Variants in ERBB4 observed in about 807,000 individuals in gnomAD.
ERBB4 encodes receptor tyrosine-protein kinase erbB-4.
A neutral mutation model predicts 158.0 loss-of-function variants in ERBB4; 42 were observed. The ratio of observed to expected loss-of-function variants is 0.27; its 90% CI spans 0.21 to 0.34. The LOEUF is 0.34. ERBB4 is among the 10% of genes least tolerant of loss of function. The probability of loss-of-function intolerance (pLI) is 1.00; values close to 1 mark genes in which losing one functional copy is unlikely to be tolerated. For missense variants in ERBB4, 1,333 were observed against 1,624.1 expected (o/e 0.82, Z 3.08); for synonymous variants, 583 against 558.7 (o/e 1.04, Z -0.61).
chr2:211,672,974 T>A (rs549805908), intron 14 of ERBB4, among the ~76,000 whole-genome samples, 190 bp downstream of exon 14: 1 of 152,354 alleles, frequency 6.6e-6, no homozygotes, highest in East Asian at 1.9e-4. Flanking sequence ...AGAATAAATA[T>A]GTATGACATC....
At chr2:211,745,921 G>T (rs570099496) in intron 5 of ERBB4, among the ~76,000 whole-genome samples, 1 of 152,220 alleles carries the variant, frequency 6.6e-6, no homozygotes, top group Admixed American at 6.5e-5. Context: ...CCAGGAAACA[G>T]TTGTCTCTAG....
At chr2:212,236,545 A>G (rs917566350) in intron 1 of ERBB4, among the ~76,000 whole-genome samples, 2 of 152,170 alleles carry the variant, frequency 1.3e-5, no homozygotes, top group African/African-American at 4.8e-5. Context: ...GGAATGGCAC[A>G]AGCTCCTCTT....
At chr2:211,926,524 A>C (rs16847207) in intron 3 of ERBB4, among the ~76,000 whole-genome samples, 2 of 152,032 alleles carry the variant, frequency 1.3e-5, no homozygotes, top group African/African-American at 4.8e-5. Context: ...GCTTAATTCA[A>C]TGTTTTTCCA....
rs2092354199 is a variant in ERBB4, at chr2:212,446,583, A to AC, written c.82+91865_82+91866insG. Among the ~76,000 whole-genome samples the AC allele has an allele frequency of 2.1e-4, 4 of 18,766 alleles. 1 individual carries two copies. The African/African-American group carries it at 2.9e-3, about 14-fold the overall frequency. The allele number at this position is 18,766 out of a possible 152,430, so 12.3% of individuals were successfully genotyped here. A position where few individuals can be genotyped will look rare whatever the true frequency, so the allele number is the denominator to read the frequency against. ...GTTAATACTTAATAAACTCCCATATATATATATGTATATATATATATATAT... is the reference window on the plus strand; with the variant it reads ...GTTAATACTTAATAAACTCCCATATACTATATATGTATATATATATATATAT... On this transcript the variant is annotated intron_variant, in intron 1 of 27. Coordinates refer to ENST00000342788, the MANE Select transcript of ERBB4 (RefSeq NM_005235.3).
intron 3 of ERBB4, among the ~76,000 whole-genome samples, chr2:211,877,234 C>T (rs2078528133): frequency 6.6e-6 from 1 of 152,156 alleles, no homozygotes; most frequent in South Asian, 2.1e-4. Flanking sequence ...CTCGAGTAGC[C>T]TTATTGGACT....
intron 2 of ERBB4, among the ~76,000 whole-genome samples, chr2:212,042,072 C>T (rs1434678581): frequency 6.6e-6 from 1 of 151,944 alleles, no homozygotes; most frequent in African/African-American, 2.4e-5. Flanking sequence ...TTTAGTGGTT[C>T]TCCCCCTACC....
chr2:211,497,926 C>T (rs1462190736), intron 20 of ERBB4, among the ~76,000 whole-genome samples: 4 of 152,074 alleles, frequency 2.6e-5, no homozygotes, highest in African/African-American at 9.7e-5. Flanking sequence ...AAAGCCTCTA[C>T]GTTCAAGTTG....
chr2:211,731,101 G>T (rs2074413909), intron 5 of ERBB4, among the ~76,000 whole-genome samples: 1 of 152,070 alleles, frequency 6.6e-6, no homozygotes, highest in African/African-American at 2.4e-5. Context: ...TGGAAATATT[G>T]CCTCACTGGT....
intron 3 of ERBB4, among the ~76,000 whole-genome samples, chr2:211,809,549 T>C (rs1011428849): frequency 2.0e-5 from 3 of 152,178 alleles, no homozygotes; most frequent in Non-Finnish European, 4.4e-5. Context: ...CCTTTATCGT[T>C]TTTTATTGCA....
At chr2:212,512,986 T>A (rs180717353) in intron 1 of ERBB4, among the ~76,000 whole-genome samples, 1 of 152,304 alleles carries the variant, frequency 6.6e-6, no homozygotes, top group African/African-American at 2.4e-5. Flanking sequence ...GTTTCCCCTA[T>A]CAGAAACATC....
intron 1 of ERBB4, among the ~76,000 whole-genome samples, chr2:212,530,506 T>C (rs1692695450): frequency 1.3e-5 from 2 of 152,118 alleles, no homozygotes; most frequent in Admixed American, 1.3e-4. Context: ...CTGCCACCCA[T>C]GATCTCTATT....
At chr2:211,855,273 A>C (rs13035407) in intron 3 of ERBB4, among the ~76,000 whole-genome samples, 16,886 of 152,168 alleles carry the variant, frequency 0.11, 1,240 homozygotes, top group Non-Finnish European at 0.15. Context: ...ACATTTGAAA[A>C]GTCTCCCACT....
chr2:211,580,754 C>G (rs1180025915), intron 19 of ERBB4, among the ~76,000 whole-genome samples: 1 of 138,162 alleles, frequency 7.2e-6, no homozygotes. Flanking sequence ...CAACCCAAAT[C>G]CCCATCAATC....
At chr2:211,777,096 T>C (rs948898128) in intron 4 of ERBB4, 4 of 152,098 alleles carry the variant, frequency 2.6e-5, no homozygotes, top group Admixed American at 2.0e-4. Context: ...TAATCGGAAA[T>C]AGTTCTTCAA....
intron 1 of ERBB4, among the ~76,000 whole-genome samples, chr2:212,234,095 C>A (rs947526463): frequency 1.2e-4 from 18 of 151,866 alleles, no homozygotes; most frequent in Non-Finnish European, 1.9e-4. Context: ...AACCCATCAC[C>A]TACATTAGGT....
intron 1 of ERBB4, among the ~76,000 whole-genome samples, chr2:212,391,379 A>G (rs1418463554): frequency 6.6e-6 from 1 of 151,440 alleles, no homozygotes; most frequent in East Asian, 1.9e-4. Context: ...TGCCTAGTAC[A>G]ATGCTTCATT....
intron 3 of ERBB4, among the ~76,000 whole-genome samples, chr2:211,831,881 C>CAA (rs2077228731): frequency 2.0e-5 from 3 of 151,010 alleles, no homozygotes; most frequent in Non-Finnish European, 4.4e-5. Flanking sequence ...CCAACCTGGG[C>CAA]AACAACAGCG....
intron 1 of ERBB4, among the ~76,000 whole-genome samples, chr2:212,443,838 T>G (rs1352532971): frequency 6.6e-6 from 1 of 152,202 alleles, no homozygotes; most frequent in Non-Finnish European, 1.5e-5. Flanking sequence ...AGTATTCTCC[T>G]TTTGAGAGAC....
chr2:211,621,998 C>T (rs1177240588), intron 18 of ERBB4, among the ~76,000 whole-genome samples: 4 of 152,004 alleles, frequency 2.6e-5, no homozygotes, highest in Admixed American at 1.3e-4. Context: ...TGCAATCAAT[C>T]ATTAGAATGG....
Sources: allele counts gnomAD v4.1 joint callset (sites outside exome capture counted in the v4.1 genomes callset), GRCh38; gene constraint gnomAD v4.1.1; transcripts MANE v1.5; gene names NCBI Gene and HGNC (gene_info 2026-07-23, HGNC 2026-07-21).